DSCAM: variants seen among roughly 807,000 people sequenced by gnomAD.
The protein encoded by DSCAM is DS cell adhesion molecule.
In DSCAM, 47 loss-of-function variants were observed where a neutral mutation model predicts 217.7. The observed-to-expected ratio is 0.22, with a 90% CI of 0.17 to 0.28. The LOEUF (loss-of-function observed/expected upper bound fraction) is 0.28. DSCAM is among the 10% of genes least tolerant of loss of function. DSCAM has a pLI of 1.00. For synonymous variants in DSCAM, 1,056 were observed against 1,015.3 expected (o/e 1.04, Z -0.76); for missense variants, 2,080 against 2,618.3 (o/e 0.79, Z 4.49).
At chr21:40,193,641 T>C (rs942642765) in intron 11 of DSCAM, among the ~76,000 whole-genome samples, 2 of 152,158 alleles carry the variant, frequency 1.3e-5, no homozygotes, top group African/African-American at 2.4e-5. Flanking sequence ...ATAGAAACTC[T>C]TGTTGCAAAA....
chr21:40,042,512 CCGTCAACTGCTCCGATGA>C lies in DSCAM; in HGVS notation c.5527_5544del (p.Ser1843_Thr1848del). ...CTGTCCGTGTACTCATTTGTCCCTG[CCGTCAACTGCTCCGATGA>C]CGTGTCTGATATGAAGCACTCCGTG... On this transcript the variant is annotated inframe_deletion, in exon 32 of 33. Coordinates refer to ENST00000400454, the MANE Select transcript of DSCAM (RefSeq NM_001389.5). 1.9e-6 allele frequency: 3 copies of C among 1,614,202 alleles called. No homozygotes were observed. Among genetic ancestry groups the C allele is most frequent in the Non-Finnish European group, 2.5e-6 (3 of 1,180,030 alleles).
At chr21:40,748,970 A>G (rs1051303663) in intron 1 of DSCAM, among the ~76,000 whole-genome samples, 3 of 152,166 alleles carry the variant, frequency 2.0e-5, no homozygotes, top group African/African-American at 4.8e-5. Context: ...CACCAGAAGT[A>G]CTCATTGGGG....
At chr21:40,451,061 A>C (rs2075715002) in intron 3 of DSCAM, among the ~76,000 whole-genome samples, 1 of 152,180 alleles carries the variant, frequency 6.6e-6, no homozygotes, top group South Asian at 2.1e-4. Flanking sequence ...CATGCACGTC[A>C]GTGGAGTTGG....
At chr21:40,804,092 C>T (rs1390821477) in intron 1 of DSCAM, among the ~76,000 whole-genome samples, 1 of 152,130 alleles carries the variant, frequency 6.6e-6, no homozygotes, top group African/African-American at 2.4e-5. Context: ...GGGACCAATC[C>T]ACTCTTCCCT....
chr21:40,445,039 G>A (rs765634245), intron 3 of DSCAM, among the ~76,000 whole-genome samples: 14 of 152,200 alleles, frequency 9.2e-5, no homozygotes, highest in Non-Finnish European at 1.8e-4. Flanking sequence ...AGGAGATTCT[G>A]TGTCTGGTGA....
intron 3 of DSCAM, among the ~76,000 whole-genome samples, chr21:40,531,438 G>A (rs1381500413): frequency 2.0e-5 from 3 of 152,206 alleles, no homozygotes; most frequent in Non-Finnish European, 4.4e-5. Context: ...ACACCCCAGG[G>A]TCCCACAGTA....
At chr21:40,785,728 C>T (rs1394505797) in intron 1 of DSCAM, among the ~76,000 whole-genome samples, 6 of 152,132 alleles carry the variant, frequency 3.9e-5, no homozygotes, top group African/African-American at 1.2e-4. Flanking sequence ...ATGTATCTGT[C>T]TATGCTATGC....
intron 32 of DSCAM, among the ~76,000 whole-genome samples, chr21:40,029,392 T>C (rs1420676380): frequency 6.6e-6 from 1 of 151,750 alleles, no homozygotes; most frequent in Non-Finnish European, 1.5e-5. Context: ...GGTTATGAGT[T>C]TCAGCCCCTT....
At chr21:40,500,670 C>G (rs910679752) in intron 3 of DSCAM, among the ~76,000 whole-genome samples, 1 of 152,170 alleles carries the variant, frequency 6.6e-6, no homozygotes, top group Admixed American at 6.5e-5. Context: ...AGTGCAGTAC[C>G]CAGGGGCTAA....
intron 24 of DSCAM, 75 bp from the exon 25 acceptor site, chr21:40,080,415 G>T (rs2089438803): frequency 6.3e-6 from 8 of 1,277,674 alleles, no homozygotes; most frequent in Non-Finnish European, 7.5e-6. Flanking sequence ...CTTGCATTTT[G>T]TGTGGGTAAT....
chr21:40,181,447 GGACA>G (rs2090800259), intron 14 of DSCAM, among the ~76,000 whole-genome samples: 1 of 152,176 alleles, frequency 6.6e-6, no homozygotes, highest in African/African-American at 2.4e-5. Context: ...TGTATAGTTT[GGACA>G]GACTGCTTCA....
intron 11 of DSCAM, among the ~76,000 whole-genome samples, chr21:40,193,111 G>A (rs2090969544): frequency 6.6e-6 from 1 of 152,168 alleles, no homozygotes; most frequent in South Asian, 2.1e-4. Context: ...GAGGGAACAA[G>A]AACATTCCCT....
chr21:40,810,344 A>C (rs1050227172), intron 1 of DSCAM, among the ~76,000 whole-genome samples: 1 of 152,140 alleles, frequency 6.6e-6, no homozygotes, highest in Non-Finnish European at 1.5e-5. Flanking sequence ...AATTGTTTCT[A>C]CTCCAGAAAT....
intron 15 of DSCAM, among the ~76,000 whole-genome samples, chr21:40,178,705 G>A (rs1478685718): frequency 6.6e-6 from 1 of 152,238 alleles, no homozygotes; most frequent in East Asian, 1.9e-4. Flanking sequence ...TTAAGTCTTG[G>A]GTATGGGAAA....
At chr21:40,197,416 C>G (rs1568995012) in intron 11 of DSCAM, among the ~76,000 whole-genome samples, 2 of 152,178 alleles carry the variant, frequency 1.3e-5, no homozygotes, top group Admixed American at 6.5e-5. Context: ...CCGCGCCCAG[C>G]CTCTCCTTAA....
chr21:40,628,567 A>G (rs968485710), intron 3 of DSCAM, among the ~76,000 whole-genome samples: 1 of 152,206 alleles, frequency 6.6e-6, no homozygotes, highest in Non-Finnish European at 1.5e-5. Context: ...TTATGTAGTA[A>G]TAACCTAGAT....
chr21:40,746,059 T>C (rs957635171), intron 1 of DSCAM, among the ~76,000 whole-genome samples: 1 of 150,874 alleles, frequency 6.6e-6, no homozygotes, highest in Non-Finnish European at 1.5e-5. Flanking sequence ...ATAGATACAC[T>C]AAAAATAATG....
At chr21:40,408,657 C>T (rs551341678) in intron 3 of DSCAM, among the ~76,000 whole-genome samples, 42 of 152,232 alleles carry the variant, frequency 2.8e-4, no homozygotes, top group African/African-American at 1.0e-3. Context: ...ATTCAGTAGG[C>T]TTTGTTTTTG....
intron 25 of DSCAM, 83 bp downstream of exon 25, chr21:40,080,069 A>G: frequency 8.0e-7 from 1 of 1,244,260 alleles, no homozygotes; most frequent in Non-Finnish European, 1.1e-6. Context: ...AACGTAAAAC[A>G]TGATGGATCT....
Sources: allele counts gnomAD v4.1 joint callset (sites outside exome capture counted in the v4.1 genomes callset), GRCh38; gene constraint gnomAD v4.1.1; transcripts MANE v1.5; gene names NCBI Gene and HGNC (gene_info 2026-07-23, HGNC 2026-07-21).